Variants in NTM observed in about 807,000 individuals in gnomAD.
NTM encodes the protein neurotrimin.
NTM carries 13 observed loss-of-function variants against 42.1 expected under a neutral mutation model. That is an observed-to-expected ratio of 0.31 (90% CI 0.20 to 0.49). The LOEUF is 0.49. Among genes scored for constraint, NTM ranks in the 20% least tolerant of loss-of-function variants. The pLI is 0.99. For synonymous variants in NTM, 187 were observed against 179.2 expected, an observed-to-expected ratio of 1.04 and a Z score of -0.35; for missense variants, 373 against 452.8, an observed-to-expected ratio of 0.82 and a Z score of 1.60.
intron 2 of NTM, among the ~76,000 whole-genome samples, chr11:132,104,630 A>ATAT (rs1189177727): frequency 1.3e-5 from 2 of 148,818 alleles, no homozygotes; most frequent in African/African-American, 2.5e-5. Flanking sequence ...AATAATAATA[A>ATAT]TGGGTGTGGT....
At chr11:131,635,595 A>T (rs1323426514) in intron 1 of NTM, among the ~76,000 whole-genome samples, 1 of 152,202 alleles carries the variant, frequency 6.6e-6, no homozygotes, top group Non-Finnish European at 1.5e-5. Context: ...TCAAGTAAAA[A>T]AGTTGTAATA....
chr11:131,436,890 A>G (rs968786120), intron 1 of NTM, among the ~76,000 whole-genome samples: 5 of 152,096 alleles, frequency 3.3e-5, no homozygotes, highest in Admixed American at 6.5e-5. Context: ...TGTCAATTTT[A>G]GATCTTTCCT....
At chr11:132,294,818 G>T (rs925417406) in intron 4 of NTM, among the ~76,000 whole-genome samples, 1 of 152,146 alleles carries the variant, frequency 6.6e-6, no homozygotes, top group Non-Finnish European at 1.5e-5. Context: ...CAGACAGACA[G>T]AGCTGAATGG....
At chr11:131,463,095 T>C (rs1425171246) in intron 1 of NTM, among the ~76,000 whole-genome samples, 4 of 152,232 alleles carry the variant, frequency 2.6e-5, no homozygotes, top group Non-Finnish European at 4.4e-5. Flanking sequence ...CTGAGGTCAG[T>C]GACTTTACCT....
At chr11:131,760,165 C>A (rs956182978) in intron 1 of NTM, among the ~76,000 whole-genome samples, 5 of 152,088 alleles carry the variant, frequency 3.3e-5, no homozygotes, top group Non-Finnish European at 7.4e-5. Context: ...TGAGAAGAAG[C>A]ATGACAACAC....
intron 1 of NTM, among the ~76,000 whole-genome samples, chr11:131,863,167 A>G (rs1467345205): frequency 1.3e-5 from 2 of 152,208 alleles, no homozygotes; most frequent in Non-Finnish European, 2.9e-5. Flanking sequence ...ATTGCAAACC[A>G]TCATCATGTG....
chr11:131,979,355 A>G (rs1011379122), intron 2 of NTM, among the ~76,000 whole-genome samples: 3 of 149,756 alleles, frequency 2.0e-5, no homozygotes, highest in African/African-American at 7.4e-5. Flanking sequence ...AAACTAAAGA[A>G]GTGTGTGATA....
intron 1 of NTM, among the ~76,000 whole-genome samples, chr11:131,620,017 A>G (rs1407008997): frequency 6.6e-6 from 1 of 151,966 alleles, no homozygotes; most frequent in Non-Finnish European, 1.5e-5. Flanking sequence ...GTTGGCCAGG[A>G]TGGTCTTGAT....
chr11:131,820,614 A>G (rs1360699869), intron 1 of NTM, among the ~76,000 whole-genome samples: 1 of 152,152 alleles, frequency 6.6e-6, no homozygotes, highest in Non-Finnish European at 1.5e-5. Flanking sequence ...CACAGAGTTC[A>G]CTATCCTTAA....
chr11:131,468,895 C>T (rs942276806), intron 1 of NTM, among the ~76,000 whole-genome samples: 2 of 152,230 alleles, frequency 1.3e-5, no homozygotes, highest in Non-Finnish European at 1.5e-5. Context: ...GGCATCCTAG[C>T]TGAGCCTGGA....
At chr11:131,409,591 A>G (rs542854917) in intron 1 of NTM, among the ~76,000 whole-genome samples, 25 of 152,308 alleles carry the variant, frequency 1.6e-4, no homozygotes, top group Non-Finnish European at 2.2e-4. Context: ...GAGTGGAGTG[A>G]CCTTGAGAAG....
chr11:131,698,086 AAG>A, intron 1 of NTM, among the ~76,000 whole-genome samples: 1 of 152,316 alleles, frequency 6.6e-6, no homozygotes, highest in Admixed American at 6.5e-5. Context: ...AGCTCAGGTC[AAG>A]ACAGACAAAG....
intron 1 of NTM, among the ~76,000 whole-genome samples, chr11:131,834,615 T>C (rs914089440): frequency 9.2e-5 from 8 of 87,428 alleles, no homozygotes; most frequent in African/African-American, 2.3e-4. Flanking sequence ...TGTGTATATA[T>C]ATACATATAC....
chr11:131,868,710 T>A (rs867687926), intron 1 of NTM, among the ~76,000 whole-genome samples: 3 of 152,226 alleles, frequency 2.0e-5, no homozygotes, highest in African/African-American at 7.2e-5. Context: ...CCTCGTCGTA[T>A]TTTATTTCCA....
intron 1 of NTM, among the ~76,000 whole-genome samples, chr11:131,858,116 T>G (rs2046285047): frequency 6.6e-6 from 1 of 152,126 alleles, no homozygotes; most frequent in African/African-American, 2.4e-5. Context: ...ATACATAAGT[T>G]GTTTTGTGAT....
intron 4 of NTM, among the ~76,000 whole-genome samples, chr11:132,253,042 A>G (rs2092127886): frequency 6.6e-6 from 1 of 152,244 alleles, no homozygotes; most frequent in African/African-American, 2.4e-5. Context: ...TTCTAAAGCC[A>G]TAGTAGGCTC....
intron 1 of NTM, among the ~76,000 whole-genome samples, chr11:131,564,064 T>C (rs548468751): frequency 1.6e-4 from 24 of 152,192 alleles, no homozygotes; most frequent in Non-Finnish European, 3.2e-4. Flanking sequence ...GCTTATCAGC[T>C]TCAACTGCAG....
At chr11:132,252,875 A>T (rs950846793) in intron 4 of NTM, among the ~76,000 whole-genome samples, 2 of 152,198 alleles carry the variant, frequency 1.3e-5, no homozygotes, top group East Asian at 3.9e-4. Context: ...TCCATTTCCC[A>T]TTTGGAGATC....
Position 131,973,907 on chromosome 11 carries a change from A to G in NTM, c.167+62259A>G, listed in dbSNP as rs887876659. The stretch of plus-strand genomic sequence containing the variant: ...GGCTTGGACTGTGTGGTTCACTCAT[A>G]TGCAGATTTTCTTCTGCCTGTGCCA... On this transcript the variant is annotated intron_variant, in intron 2 of 8. Transcript: ENST00000683400. Among the ~76,000 whole-genome samples, 11 of 152,282 alleles carry G rather than the reference A, an allele frequency of 7.2e-5. No homozygotes were observed. In the East Asian group the frequency reaches 2.1e-3, roughly 29 times the overall value.
Sources: gnomAD v4.1 joint callset for allele counts (sites outside exome capture counted in the v4.1 genomes callset) on GRCh38, gnomAD v4.1.1 for gene constraint, MANE v1.5 for transcripts, NCBI Gene and HGNC (gene_info 2026-07-23, HGNC 2026-07-21) for gene names.